Variants in KCNQ5 observed in about 807,000 individuals in gnomAD.
KCNQ5 encodes potassium voltage-gated channel subfamily KQT member 5.
In KCNQ5, 30 loss-of-function variants were observed where a neutral mutation model predicts 98.2. That is an observed-to-expected ratio of 0.31 (90% CI 0.23 to 0.41). The LOEUF is 0.41. Among genes scored for constraint, KCNQ5 ranks in the 10% least tolerant of loss-of-function variants. The pLI, the probability that KCNQ5 is intolerant of heterozygous loss-of-function variation, is 1.00. For missense variants in KCNQ5, 835 were observed against 1,182.5 expected, an observed-to-expected ratio of 0.71 and a Z score of 4.31; for synonymous variants, 458 against 449.4, an observed-to-expected ratio of 1.02 and a Z score of -0.24.
At chr6:72,775,946 A>C (rs1773141193) in intron 1 of KCNQ5, among the ~76,000 whole-genome samples, 1 of 152,176 alleles carries the variant, frequency 6.6e-6, no homozygotes, top group Non-Finnish European at 1.5e-5. Context: ...AAATGATATG[A>C]GGTAAAAACT....
intron 1 of KCNQ5, among the ~76,000 whole-genome samples, chr6:72,865,814 G>T (rs1342630917): frequency 6.6e-6 from 1 of 152,168 alleles, no homozygotes; most frequent in East Asian, 1.9e-4. Flanking sequence ...AGCCATTTAA[G>T]TCTCTGATTA....
chr6:72,784,028 A>G (rs1262638713), intron 1 of KCNQ5, among the ~76,000 whole-genome samples: 1 of 152,186 alleles, frequency 6.6e-6, no homozygotes, highest in Admixed American at 6.5e-5. Flanking sequence ...TGTGGAGGTA[A>G]CATTCACATT....
chr6:73,099,019 G>A (rs1403325936), intron 5 of KCNQ5, among the ~76,000 whole-genome samples: 1 of 152,050 alleles, frequency 6.6e-6, no homozygotes, highest in Non-Finnish European at 1.5e-5. Context: ...TTAAAATGTA[G>A]CATTTTCATT....
chr6:73,103,225 A>G (rs750875270), intron 5 of KCNQ5, among the ~76,000 whole-genome samples: 14 of 152,194 alleles, frequency 9.2e-5, no homozygotes, highest in Non-Finnish European at 1.5e-4. Context: ...ACATGGTCTC[A>G]TTTATTTGTG....
At position 72,935,101 on chromosome 6, in the gene KCNQ5, C is replaced by T. The variant is rs1041291886; in HGVS notation, c.399-68807C>T. Among the ~76,000 whole-genome samples, 11 of 102,064 alleles carry T rather than the reference C, an allele frequency of 1.1e-4. No individual in the cohort carries two copies. The South Asian group carries it at 1.6e-3, about 15-fold the overall frequency. The allele number at this position is 102,064 out of a possible 152,430, so 67.0% of individuals were successfully genotyped here. On this transcript the variant is annotated intron_variant, in intron 1 of 13. Coordinates refer to ENST00000370398, the MANE Select transcript of KCNQ5 (RefSeq NM_019842.4). ...TTTTTTTTTTTTTGAGATGGAGTTT[C>T]GCTCTTGTCACCAGGCTGGAGTGCA...
At chr6:73,134,443 T>A (rs1776379127) in intron 10 of KCNQ5, 1 of 152,770 alleles carries the variant, frequency 6.5e-6, no homozygotes. Context: ...CTATCAGTCC[T>A]TCTGTTCCCT....
intron 1 of KCNQ5, among the ~76,000 whole-genome samples, chr6:72,832,285 C>G (rs1776309667): frequency 6.6e-6 from 1 of 152,068 alleles, no homozygotes; most frequent in South Asian, 2.1e-4. Context: ...TTAATGAGAG[C>G]AGAATCCTTT....
rs984877962 is a variant in KCNQ5, at chr6:72,760,866, G to GA, written c.398+138287dup. 2.0e-5 allele frequency among the ~76,000 whole-genome samples: 3 copies of GA among 151,702 alleles called. No homozygotes were observed. The South Asian group carries it at 6.2e-4, about 31-fold the overall frequency. ...TTTTCGCAAGGAATGCGTTAGTTAAGAAAAAAAAGTACCACCTTCTTTCAC... is the reference window on the plus strand; with the variant it reads ...TTTTCGCAAGGAATGCGTTAGTTAAGAAAAAAAAAGTACCACCTTCTTTCAC... On this transcript the variant is annotated intron_variant, in intron 1 of 13. Coordinates refer to ENST00000370398, the MANE Select transcript of KCNQ5 (RefSeq NM_019842.4).
chr6:73,155,212 C>T lies in KCNQ5; in HGVS notation c.1469-14534C>T, dbSNP rs1247574141. Among the ~76,000 whole-genome samples the T allele has an allele frequency of 3.9e-5, 6 of 152,164 alleles. No individual in the cohort carries two copies. In the East Asian group the frequency reaches 1.2e-3, roughly 29 times the overall value. On this transcript the variant is annotated intron_variant, in intron 10 of 13. Transcript: ENST00000370398. ...GGACCTCTCAAAATAAAAGAAATTG[C>T]TAGACTACAAAATAAAGTTATGGTT...
chr6:72,723,548 T>A (rs763949548), intron 1 of KCNQ5, among the ~76,000 whole-genome samples: 74 of 152,204 alleles, frequency 4.9e-4, no homozygotes, highest in Non-Finnish European at 6.6e-4. Flanking sequence ...CAGGGTTTGC[T>A]GTTGGAGCAA....
At chr6:73,091,165 C>T (rs1433149435) in intron 5 of KCNQ5, among the ~76,000 whole-genome samples, 1 of 152,152 alleles carries the variant, frequency 6.6e-6, no homozygotes, top group African/African-American at 2.4e-5. Context: ...AGTTCATGTC[C>T]TTTGCAGGGA....
intron 1 of KCNQ5, among the ~76,000 whole-genome samples, chr6:72,799,549 C>T (rs2074334079): frequency 1.3e-5 from 2 of 152,172 alleles, no homozygotes; most frequent in African/African-American, 4.8e-5. Flanking sequence ...CAACAGAATA[C>T]ACTTGTGGAC....
At chr6:72,739,067 C>G (rs916062679) in intron 1 of KCNQ5, among the ~76,000 whole-genome samples, 2 of 152,048 alleles carry the variant, frequency 1.3e-5, no homozygotes, top group Non-Finnish European at 2.9e-5. Context: ...AATGATGGGT[C>G]AGTGTAGGTT....
At chr6:73,061,047 C>T (rs1351787530) in intron 3 of KCNQ5, among the ~76,000 whole-genome samples, 1 of 152,140 alleles carries the variant, frequency 6.6e-6, no homozygotes, top group African/African-American at 2.4e-5. Flanking sequence ...GCTGAATAAA[C>T]TATTGTAAAT....
chr6:73,005,419 C>T (rs1769769962), intron 2 of KCNQ5, among the ~76,000 whole-genome samples: 1 of 152,158 alleles, frequency 6.6e-6, no homozygotes, highest in Non-Finnish European at 1.5e-5. Context: ...AAAACTGGAT[C>T]TACTGCATGA....
intron 1 of KCNQ5, among the ~76,000 whole-genome samples, chr6:72,688,654 C>T (rs938727883): frequency 1.2e-4 from 19 of 152,172 alleles, no homozygotes; most frequent in Non-Finnish European, 2.5e-4. Context: ...TAAGTATATA[C>T]GGAGTATGGT....
intron 1 of KCNQ5, among the ~76,000 whole-genome samples, chr6:72,983,441 C>T (rs538274372): frequency 6.6e-5 from 10 of 152,088 alleles, no homozygotes; most frequent in South Asian, 2.1e-4. Context: ...TCACTGATAC[C>T]CTTTCTTCCA....
intron 1 of KCNQ5, among the ~76,000 whole-genome samples, chr6:72,631,760 C>T (rs1477420340): frequency 2.0e-5 from 3 of 152,150 alleles, no homozygotes; most frequent in African/African-American, 7.2e-5. Flanking sequence ...AGATTGGACA[C>T]TAGCTACAAG....
chr6:72,908,838 A>G (rs1318149831), intron 1 of KCNQ5, among the ~76,000 whole-genome samples: 1 of 152,182 alleles, frequency 6.6e-6, no homozygotes, highest in Non-Finnish European at 1.5e-5. Context: ...AAATGAATTG[A>G]AGAAATTCTT....
Sources: gnomAD v4.1 joint callset for allele counts (sites outside exome capture counted in the v4.1 genomes callset) on GRCh38, gnomAD v4.1.1 for gene constraint, MANE v1.5 for transcripts, NCBI Gene and HGNC (gene_info 2026-07-23, HGNC 2026-07-21) for gene names.